The following ADAMTSL1 variants were observed in gnomAD, a reference collection of about 807,000 sequenced individuals.
The protein encoded by ADAMTSL1 is ADAMTS-like protein 1.
ADAMTSL1 carries 126 observed loss-of-function variants against 201.8 expected under a neutral mutation model. That is an observed-to-expected ratio of 0.62 (90% CI 0.54 to 0.72). ADAMTSL1 has a LOEUF of 0.72. Among genes scored for constraint, ADAMTSL1 ranks in the 30% least tolerant of loss-of-function variants. The probability of loss-of-function intolerance (pLI) is 0.00; values close to 1 mark genes in which losing one functional copy is unlikely to be tolerated. For synonymous variants in ADAMTSL1, 1,121 were observed against 903.4 expected (o/e 1.24, Z -4.32); for missense variants, 2,679 against 2,277.8 (o/e 1.18, Z -3.59).
chr9:18,841,947 G>T (rs958057226), intron 23 of ADAMTSL1, among the ~76,000 whole-genome samples: 1 of 151,544 alleles, frequency 6.6e-6, no homozygotes, highest in Admixed American at 6.6e-5. Context: ...TATTAGTCTT[G>T]CTAGCGGTCT....
chr9:18,414,606 C>T lies in ADAMTSL1; in HGVS notation c.208-90223C>T, dbSNP rs536630566. 5.9e-5 allele frequency among the ~76,000 whole-genome samples: 9 copies of T among 152,228 alleles called. No individual in the cohort carries two copies. In the South Asian group the frequency reaches 1.9e-3, roughly 32 times the overall value. On this transcript the variant is annotated intron_variant, in intron 2 of 29. Transcript: ENST00000680146. The stretch of plus-strand genomic sequence containing the variant: ...TCCTGCAATTGCTCTAACTTACTTC[C>T]TTGAGAGAGTTTTCAGGCTGTGGCT...
In ADAMTSL1 at chr9:18,570,730, C is replaced by T. The variant is rs7466106; in HGVS notation, c.238-3300C>T. Among the ~76,000 whole-genome samples, 462 of 152,260 alleles carry T rather than the reference C, an allele frequency of 3.0e-3. 2 individuals are homozygous for T. Among genetic ancestry groups the T allele is most frequent in the African/African-American group, 0.011 (439 of 41,544 alleles). Reference sequence around the variant, plus strand: ...CACTAAAAAGGTTCAAGTTCAGTTTCCAACTCTGAACTCCAGGTTTAAATG... The same window carrying T: ...CACTAAAAAGGTTCAAGTTCAGTTTTCAACTCTGAACTCCAGGTTTAAATG... On this transcript the variant is annotated intron_variant, in intron 3 of 28. Transcript: ENST00000380548.
At chr9:18,095,416 CTTT>C (rs35164794) in intron 1 of ADAMTSL1, among the ~76,000 whole-genome samples, 2 of 100,128 alleles carry the variant, frequency 2.0e-5, no homozygotes, top group Non-Finnish European at 4.0e-5. Flanking sequence ...TTCTTTCTTT[CTTT>C]TTTTTTTTTT....
chr9:18,797,841 C>A (rs913319947), intron 20 of ADAMTSL1, among the ~76,000 whole-genome samples: 1 of 152,166 alleles, frequency 6.6e-6, no homozygotes, highest in African/African-American at 2.4e-5. Context: ...AAATGTAAGC[C>A]TCCTTTCTTT....
rs149572640 is a variant in ADAMTSL1 at position 18,365,785 on chromosome 9, C to T, written c.208-139044C>T. Among the ~76,000 whole-genome samples, 3 of 152,238 alleles carry T rather than the reference C, an allele frequency of 2.0e-5. No individual in the cohort carries two copies. The East Asian group carries it at 5.8e-4, about 29-fold the overall frequency. ...ATCTGTGGCCTGTTAGGAACTGGGCCACAAAACAGGAGGGGAGCAGCTGGG... is the reference window on the plus strand; with the variant it reads ...ATCTGTGGCCTGTTAGGAACTGGGCTACAAAACAGGAGGGGAGCAGCTGGG... On this transcript the variant is annotated intron_variant, in intron 2 of 29. Coordinates refer to the ADAMTSL1 transcript ENST00000680146.
chr9:18,741,866 C>G (rs568065907), intron 15 of ADAMTSL1, among the ~76,000 whole-genome samples: 1 of 152,156 alleles, frequency 6.6e-6, no homozygotes, highest in East Asian at 1.9e-4. Flanking sequence ...GTTGCTACTT[C>G]AAGGTCAAGG....
At chr9:18,440,879 C>A (rs1358045251) in intron 2 of ADAMTSL1, among the ~76,000 whole-genome samples, 4 of 152,046 alleles carry the variant, frequency 2.6e-5, no homozygotes, top group African/African-American at 9.7e-5. Context: ...ATAGGTTAAT[C>A]TTTTTCTTAA....
Position 18,721,565 on chromosome 9 carries a change from A to T in ADAMTSL1, c.1906A>T (p.Asn636Tyr), listed in dbSNP as rs1442978900. Residue 636 changes from asparagine to tyrosine, a missense_variant, in exon 15 of 29, where the codon AAC becomes TAC. By Grantham distance (143) the Asn-to-Tyr change is moderately radical. Coordinates refer to ENST00000380548, the MANE Select transcript of ADAMTSL1 (RefSeq NM_001040272.6). Reference sequence around the variant, plus strand: ...CCAGGAGGCTGTGGTGAGCTGCTTGAACAAACAGACTCGGGAGCCTGCTGA... The same window carrying T: ...CCAGGAGGCTGTGGTGAGCTGCTTGTACAAACAGACTCGGGAGCCTGCTGA... ...GVQEAVVSCL[N>Y]KQTREPAEEN... The T allele has an allele frequency of 1.2e-6, 2 of 1,613,960 alleles. No homozygotes were observed. Among genetic ancestry groups the T allele is most frequent in the Admixed American group, 1.7e-5 (1 of 60,008 alleles).
intron 1 of ADAMTSL1, among the ~76,000 whole-genome samples, chr9:18,095,416 CT>C (rs35164794): frequency 0.083 from 8,250 of 99,470 alleles, 159 homozygotes; most frequent in African/African-American, 0.13. Flanking sequence ...TTCTTTCTTT[CT>C]TTTTTTTTTT....
At chr9:18,432,069 T>C (rs1344160748) in intron 2 of ADAMTSL1, among the ~76,000 whole-genome samples, 1 of 152,226 alleles carries the variant, frequency 6.6e-6, no homozygotes, top group Non-Finnish European at 1.5e-5. Context: ...ATTCAGAATG[T>C]GACATATATC....
intron 1 of ADAMTSL1, among the ~76,000 whole-genome samples, chr9:18,142,745 G>C (rs1383762035): frequency 6.6e-6 from 1 of 152,184 alleles, no homozygotes; most frequent in Non-Finnish European, 1.5e-5. Context: ...CAACAGGGTT[G>C]CATCACAAAG....
chr9:18,790,367 A>T (rs2133818659), intron 19 of ADAMTSL1, among the ~76,000 whole-genome samples: 1 of 152,306 alleles, frequency 6.6e-6, no homozygotes, highest in Non-Finnish European at 1.5e-5. Context: ...ATAGCTGGGC[A>T]TGGAGATCAA....
intron 14 of ADAMTSL1, among the ~76,000 whole-genome samples, chr9:18,711,791 G>A (rs112886950): frequency 0.012 from 1,897 of 151,934 alleles, 17 homozygotes; most frequent in African/African-American, 0.044. Context: ...ACCTCTGGGG[G>A]CAGGGCACAG....
chr9:18,205,971 T>C (rs183498611), intron 2 of ADAMTSL1, among the ~76,000 whole-genome samples: 12 of 141,538 alleles, frequency 8.5e-5, no homozygotes, highest in African/African-American at 3.2e-4. Context: ...GGGGAATCAC[T>C]TGAAACCGGG....
At chr9:18,561,092 C>T (rs1821464746) in intron 3 of ADAMTSL1, among the ~76,000 whole-genome samples, 2 of 151,992 alleles carry the variant, frequency 1.3e-5, no homozygotes, top group Admixed American at 1.3e-4. Context: ...CCTGTTTGCT[C>T]TTGCTTCCCT....
chr9:18,283,104 C>T (rs936433998), intron 2 of ADAMTSL1, among the ~76,000 whole-genome samples: 1 of 151,890 alleles, frequency 6.6e-6, no homozygotes, highest in Non-Finnish European at 1.5e-5. Flanking sequence ...TTAATTTTTG[C>T]TTCATTTGTT....
chr9:18,629,637 T>TA (rs1826617157), intron 5 of ADAMTSL1, among the ~76,000 whole-genome samples: 1 of 152,170 alleles, frequency 6.6e-6, no homozygotes, highest in Admixed American at 6.5e-5. Context: ...CTAGTTTGAT[T>TA]CGGCAGTATT....
chr9:18,492,025 T>A (rs1489416402), intron 1 of ADAMTSL1, among the ~76,000 whole-genome samples: 2 of 152,224 alleles, frequency 1.3e-5, no homozygotes, highest in African/African-American at 4.8e-5. Flanking sequence ...TTGATTGATG[T>A]AGTTACAACA....
At chr9:18,647,390 G>C (rs1402780096) in intron 7 of ADAMTSL1, among the ~76,000 whole-genome samples, 1 of 149,968 alleles carries the variant, frequency 6.7e-6, no homozygotes. Flanking sequence ...ATTTCCTTCA[G>C]TTCTGCTCTG....
Sources: allele counts gnomAD v4.1 joint callset (sites outside exome capture counted in the v4.1 genomes callset), GRCh38; gene constraint gnomAD v4.1.1; transcripts MANE v1.5; gene names NCBI Gene and HGNC (gene_info 2026-07-23, HGNC 2026-07-21).